The following RFX7 variants were observed in gnomAD, a reference collection of about 807,000 sequenced individuals.
The protein encoded by RFX7 is regulatory factor X7, also known as DNA-binding protein RFX7.
Under a neutral mutation model 111.8 loss-of-function variants are expected in RFX7, and 26 were observed. The ratio of observed to expected loss-of-function variants is 0.23; its 90% CI spans 0.17 to 0.32. RFX7 has a LOEUF of 0.32. Ranked by LOEUF, RFX7 falls within the 10% of genes least tolerant of loss-of-function variation. The probability of loss-of-function intolerance (pLI) is 1.00; values close to 1 mark genes in which losing one functional copy is unlikely to be tolerated. For synonymous variants in RFX7, 624 were observed against 624.4 expected, an observed-to-expected ratio of 1.00 and a Z score of 0.01; for missense variants, 1,573 against 1,772.9, an observed-to-expected ratio of 0.89 and a Z score of 2.02.
chr15:56,164,535 G>T (rs1413066730), intron 3 of RFX7, among the ~76,000 whole-genome samples: 1 of 152,208 alleles, frequency 6.6e-6, no homozygotes, highest in East Asian at 1.9e-4. Context: ...ATCTATTGCA[G>T]TGTCCCAGAT....
chr15:56,100,453 T>A (rs538024931), intron 8 of RFX7, among the ~76,000 whole-genome samples: 1 of 152,226 alleles, frequency 6.6e-6, no homozygotes, highest in Admixed American at 6.5e-5. Flanking sequence ...AATGTAAAAT[T>A]AGAAGAAAAC....
chr15:56,160,280 A>G (rs1376020606), intron 3 of RFX7, among the ~76,000 whole-genome samples: 1 of 152,056 alleles, frequency 6.6e-6, no homozygotes, highest in Non-Finnish European at 1.5e-5. Flanking sequence ...CTGGTGGAAG[A>G]TGATCAATCA....
intron 3 of RFX7, among the ~76,000 whole-genome samples, chr15:56,152,023 C>A (rs62044112): frequency 3.3e-5 from 5 of 152,104 alleles, no homozygotes; most frequent in Non-Finnish European, 5.9e-5. Context: ...TAAATATATA[C>A]GCAGCCAATA....
At chr15:56,128,682 A>G (rs554801472) in intron 5 of RFX7, among the ~76,000 whole-genome samples, 3 of 152,158 alleles carry the variant, frequency 2.0e-5, no homozygotes, top group Non-Finnish European at 4.4e-5. Flanking sequence ...TACCATTTCT[A>G]TTCAACACTG....
intron 2 of RFX7, among the ~76,000 whole-genome samples, chr15:56,205,790 T>A (rs2043244480): frequency 6.6e-6 from 1 of 151,942 alleles, no homozygotes; most frequent in Admixed American, 6.6e-5. Context: ...TTGACAGAAG[T>A]GAAAGTTATT....
intron 2 of RFX7, among the ~76,000 whole-genome samples, chr15:56,234,714 A>C (rs2043603817): frequency 6.6e-6 from 1 of 152,222 alleles, no homozygotes; most frequent in African/African-American, 2.4e-5. Context: ...AAACAATGGT[A>C]AGTTCTTGGT....
At chr15:56,187,981 C>T (rs186961947) in intron 2 of RFX7, among the ~76,000 whole-genome samples, 1 of 152,092 alleles carries the variant, frequency 6.6e-6, no homozygotes, top group East Asian at 1.9e-4. Context: ...CTCACAGACA[C>T]TAAATCCTGA....
chr15:56,105,390 C>T (rs1431540706), intron 5 of RFX7, among the ~76,000 whole-genome samples: 1 of 152,132 alleles, frequency 6.6e-6, no homozygotes, highest in Admixed American at 6.5e-5. Context: ...AGTGTATTCT[C>T]AGCACTAGGA....
intron 2 of RFX7, among the ~76,000 whole-genome samples, chr15:56,191,400 C>T (rs146867594): frequency 1.3e-5 from 2 of 152,182 alleles, no homozygotes; most frequent in East Asian, 3.9e-4. Context: ...TATCTTTTTA[C>T]CATTACTCCA....
chr15:56,226,701 A>T (rs2141223652), intron 2 of RFX7, among the ~76,000 whole-genome samples: 2 of 152,336 alleles, frequency 1.3e-5, no homozygotes, highest in Non-Finnish European at 2.9e-5. Context: ...GCATTGTGAT[A>T]AGACCTGCTA....
At chr15:56,214,841 A>T (rs754157884) in intron 2 of RFX7, among the ~76,000 whole-genome samples, 2 of 152,232 alleles carry the variant, frequency 1.3e-5, no homozygotes, top group African/African-American at 4.8e-5. Flanking sequence ...ACAGAAATGC[A>T]AATGACTTTT....
chr15:56,161,157 A>G (rs1377544583), intron 3 of RFX7, among the ~76,000 whole-genome samples: 1 of 152,104 alleles, frequency 6.6e-6, no homozygotes, highest in Non-Finnish European at 1.5e-5. Context: ...AAGTGATGCA[A>G]TGCTGACAAG....
intron 2 of RFX7, among the ~76,000 whole-genome samples, chr15:56,233,971 C>T (rs758437297): frequency 6.6e-6 from 1 of 152,160 alleles, no homozygotes; most frequent in South Asian, 2.1e-4. Flanking sequence ...ACATTATTGG[C>T]AAAGCTCACT....
At chr15:56,156,928 A>G (rs1172166861) in intron 3 of RFX7, among the ~76,000 whole-genome samples, 1 of 152,150 alleles carries the variant, frequency 6.6e-6, no homozygotes, top group Non-Finnish European at 1.5e-5. Context: ...CCACTTCCAG[A>G]GTTTCTGATT....
intron 3 of RFX7, among the ~76,000 whole-genome samples, chr15:56,178,556 A>G (rs76521003): frequency 1.0e-3 from 156 of 152,234 alleles, no homozygotes; most frequent in African/African-American, 3.6e-3. Context: ...GGAATCTAAC[A>G]GTATAGAGCC....
chr15:56,095,945 C>T lies in RFX7; in HGVS notation c.1783G>A (p.Val595Ile). The change falls in exon 10 of 10, where the codon GTC (valine) becomes ATC (isoleucine). Residue 595 changes from valine to isoleucine, a missense_variant. Transcript: ENST00000559447. Reference protein sequence around the residue: ...EGVIEIKATKVCDQRTKCKSR... With the variant: ...EGVIEIKATKICDQRTKCKSR... The stretch of plus-strand genomic sequence containing the variant: ...TTACATTTGGTCCTCTGGTCACAGA[C>T]CTTAGTTGCTTTTATTTCAATGACA... 6.2e-7 allele frequency: 1 copy of T among 1,607,644 alleles called. No individual in the cohort carries two copies. Among genetic ancestry groups the T allele is most frequent in the South Asian group, 1.1e-5 (1 of 91,036 alleles).
intron 2 of RFX7, among the ~76,000 whole-genome samples, chr15:56,193,960 T>C (rs2043123250): frequency 6.6e-6 from 1 of 152,134 alleles, no homozygotes; most frequent in Non-Finnish European, 1.5e-5. Context: ...CATGTAACAT[T>C]TCCCTTTATT....
At chr15:56,207,860 A>AC (rs1185700157) in intron 2 of RFX7, among the ~76,000 whole-genome samples, 2 of 152,200 alleles carry the variant, frequency 1.3e-5, no homozygotes, top group East Asian at 1.9e-4. Flanking sequence ...CAAATCACAA[A>AC]CCCCCCAAAT....
intron 3 of RFX7, among the ~76,000 whole-genome samples, chr15:56,153,081 C>CA (rs1198300287): frequency 4.6e-5 from 7 of 151,992 alleles, no homozygotes; most frequent in African/African-American, 1.4e-4. Flanking sequence ...GCCTACCAAC[C>CA]AAAAAAAGTC....
Sources: gnomAD v4.1 joint callset for allele counts (sites outside exome capture counted in the v4.1 genomes callset) on GRCh38, gnomAD v4.1.1 for gene constraint, MANE v1.5 for transcripts, NCBI Gene and HGNC (gene_info 2026-07-23, HGNC 2026-07-21) for gene names.